The following CDH18 variants were observed in gnomAD, a reference collection of about 807,000 sequenced individuals.
CDH18 encodes cadherin-18.
Under a neutral mutation model 67.9 loss-of-function variants are expected in CDH18, and 31 were observed. The ratio of observed to expected loss-of-function variants is 0.46; its 90% confidence interval spans 0.34 to 0.62. The LOEUF (loss-of-function observed/expected upper bound fraction) is 0.62. Ranked by LOEUF, CDH18 falls within the 20% of genes least tolerant of loss-of-function variation. CDH18 has a pLI of 0.01. For missense variants in CDH18, 890 were observed against 975.5 expected, an observed-to-expected ratio of 0.91 and a Z score of 1.17; for synonymous variants, 362 against 347.2, an observed-to-expected ratio of 1.04 and a Z score of -0.48.
intron 2 of CDH18, among the ~76,000 whole-genome samples, chr5:19,862,881 A>G (rs953237158): frequency 7.3e-5 from 11 of 151,368 alleles, no homozygotes; most frequent in African/African-American, 2.7e-4. Context: ...ACAGTTTATT[A>G]TGCATAGTTG....
intron 1 of CDH18, among the ~76,000 whole-genome samples, chr5:20,384,487 T>C (rs1409257552): frequency 1.3e-5 from 2 of 152,216 alleles, no homozygotes; most frequent in Non-Finnish European, 2.9e-5. Flanking sequence ...CACTCATCTG[T>C]TGTTGGATAC....
intron 1 of CDH18, among the ~76,000 whole-genome samples, chr5:20,376,789 G>A (rs1743482044): frequency 6.6e-6 from 1 of 151,960 alleles, no homozygotes; most frequent in African/African-American, 2.4e-5. Context: ...GGCCGAGGCG[G>A]GAGGATCTCC....
chr5:19,575,460 T>A (rs1742160582), intron 7 of CDH18, among the ~76,000 whole-genome samples: 1 of 152,190 alleles, frequency 6.6e-6, no homozygotes, highest in Non-Finnish European at 1.5e-5. Flanking sequence ...ATCAAAAATG[T>A]ATGATGACAT....
intron 1 of CDH18, among the ~76,000 whole-genome samples, chr5:20,505,711 G>C (rs1393337131): frequency 6.6e-6 from 1 of 152,210 alleles, no homozygotes; most frequent in Non-Finnish European, 1.5e-5. Flanking sequence ...TCACCAACTT[G>C]TGGACTGTCA....
intron 5 of CDH18, among the ~76,000 whole-genome samples, chr5:19,696,142 G>C (rs1421556964): frequency 6.6e-6 from 1 of 152,054 alleles, no homozygotes; most frequent in Non-Finnish European, 1.5e-5. Flanking sequence ...ATATGCTATA[G>C]AGAATATGGG....
rs1369130211 is a variant in CDH18 at position 20,172,228 on chromosome 5, A to ATATATG, written c.-518+83215_-518+83216insCATATA. Among the ~76,000 whole-genome samples the ATATATG allele has an allele frequency of 1.4e-3, 154 of 110,696 alleles. 12 individuals carry two copies. The highest frequency in any genetic ancestry group is 2.0e-3 in the Non-Finnish European group (109 of 55,592). 72.6% of individuals were successfully genotyped at this position (110,696 alleles called of 152,430 possible). ...TATATATATATATATATATATGTAT[A>ATATATG]TATATATATATGTATATATATATAT... is the stretch of plus-strand genomic sequence containing the variant. On this transcript the variant is annotated intron_variant, in intron 2 of 14. Transcript: ENST00000507958.
chr5:19,900,787 T>A lies in CDH18; in HGVS notation c.-256-61545A>T, dbSNP rs183532429. ...TTTTCAATTATTTGTTCTCCTGAGT[T>A]TTAAAAATAAACTTTAGCACTAAGA... On this transcript the variant is annotated intron_variant, in intron 2 of 12. Coordinates refer to ENST00000382275, the MANE Select transcript of CDH18 (RefSeq NM_004934.5). Among the ~76,000 whole-genome samples the A allele has an allele frequency of 3.0e-3, 452 of 152,282 alleles. 5 individuals carry two copies. The highest frequency in any genetic ancestry group is 9.8e-3 in the African/African-American group (408 of 41,580).
chr5:20,560,858 A>C (rs991513981), intron 1 of CDH18, among the ~76,000 whole-genome samples: 9 of 152,124 alleles, frequency 5.9e-5, no homozygotes, highest in African/African-American at 2.2e-4. Context: ...AAATATTTTC[A>C]AAAGACATAT....
rs1453663584 is a variant in CDH18, at chr5:20,513,125, TTATTAA to T, written c.-580+62331_-580+62336del. ...GAAGGCCATAGATATGAAAAAATACTTATTAATATTAACAAGAAAACTCTAAAACTA... is the reference window on the plus strand; with the variant it reads ...GAAGGCCATAGATATGAAAAAATACTTATTAACAAGAAAACTCTAAAACTA... On this transcript the variant is annotated intron_variant, in intron 1 of 14. Transcript: ENST00000507958. 4.6e-5 allele frequency among the ~76,000 whole-genome samples: 7 copies of T among 152,196 alleles called. No homozygotes were observed. The East Asian group carries it at 7.7e-4, about 17-fold the overall frequency.
At chr5:19,994,855 T>TATATATATATAGAGAGAGAGAG (rs760777430) in intron 2 of CDH18, among the ~76,000 whole-genome samples, 8 of 67,586 alleles carry the variant, frequency 1.2e-4, no homozygotes, top group African/African-American at 2.2e-4. Flanking sequence ...TATATATATA[T>TATATATATATAGAGAGAGAGAG]AGAGAGAGAG....
chr5:20,131,733 A>T (rs189199578), intron 2 of CDH18, among the ~76,000 whole-genome samples: 1 of 152,258 alleles, frequency 6.6e-6, no homozygotes, highest in Non-Finnish European at 1.5e-5. Context: ...ATGTATTTTT[A>T]CAACAATTAA....
At chr5:19,588,752 A>G (rs566472923) in intron 7 of CDH18, among the ~76,000 whole-genome samples, 50 of 152,064 alleles carry the variant, frequency 3.3e-4, no homozygotes, top group Admixed American at 9.2e-4. Flanking sequence ...TTGCAATCCT[A>G]GTTTCTGACA....
At chr5:20,195,117 C>G (rs1285927689) in intron 2 of CDH18, among the ~76,000 whole-genome samples, 1 of 152,006 alleles carries the variant, frequency 6.6e-6, no homozygotes, top group East Asian at 1.9e-4. Flanking sequence ...ACAGATACCT[C>G]CATCTTATTC....
chr5:20,232,272 C>T (rs556134154), intron 2 of CDH18, among the ~76,000 whole-genome samples: 1 of 151,960 alleles, frequency 6.6e-6, no homozygotes, highest in African/African-American at 2.4e-5. Flanking sequence ...TTCATGCTGT[C>T]ACAAATGATC....
intron 4 of CDH18, among the ~76,000 whole-genome samples, chr5:19,745,511 C>T (rs1769875105): frequency 6.6e-6 from 1 of 152,156 alleles, no homozygotes. Flanking sequence ...CGTTGCCTTC[C>T]TAAGGCAGAG....
At chr5:19,903,329 A>G (rs2150118127) in intron 2 of CDH18, among the ~76,000 whole-genome samples, 1 of 151,718 alleles carries the variant, frequency 6.6e-6, no homozygotes, top group South Asian at 2.1e-4. Context: ...ACTACCAGAA[A>G]ATTAGAATTT....
rs1229583101 is a variant in CDH18, at chr5:20,229,712, T to A, written c.-518+25732A>T. 3.9e-5 allele frequency among the ~76,000 whole-genome samples: 6 copies of A among 152,218 alleles called. No individual in the cohort carries two copies. The South Asian group carries it at 6.2e-4, about 16-fold the overall frequency. ...GTTCTTCAATTCCATATATTTTTTT[T>A]AATTTTTGCCTTCTTTTTTGGACTA... On this transcript the variant is annotated intron_variant, in intron 2 of 14. Coordinates refer to the CDH18 transcript ENST00000507958.
At chr5:19,761,961 T>G (rs1772418383) in intron 3 of CDH18, among the ~76,000 whole-genome samples, 1 of 152,120 alleles carries the variant, frequency 6.6e-6, no homozygotes, top group Admixed American at 6.5e-5. Context: ...ATCTGATATT[T>G]GACAAACCTG....
At chr5:19,566,705 T>C (rs1740466750) in intron 8 of CDH18, among the ~76,000 whole-genome samples, 1 of 152,138 alleles carries the variant, frequency 6.6e-6, no homozygotes, top group Non-Finnish European at 1.5e-5. Context: ...GGAGATACAA[T>C]TCAAGATGAG....
Sources: gnomAD v4.1 joint callset for allele counts (sites outside exome capture counted in the v4.1 genomes callset) on GRCh38, gnomAD v4.1.1 for gene constraint, MANE v1.5 for transcripts, NCBI Gene and HGNC (gene_info 2026-07-23, HGNC 2026-07-21) for gene names.